The following ATP8A1 variants were observed in gnomAD, a reference collection of about 807,000 sequenced individuals.
ATP8A1 encodes the protein phospholipid-transporting ATPase IA.
A neutral mutation model predicts 177.7 loss-of-function variants in ATP8A1; 90 were observed. The observed-to-expected ratio is 0.51, with a 90% confidence interval of 0.43 to 0.60. The LOEUF (loss-of-function observed/expected upper bound fraction) is 0.60, where lower values mean the gene tolerates loss of function less well. ATP8A1 is among the 20% of genes least tolerant of loss of function. The pLI is 0.00. For missense variants in ATP8A1, 1,072 were observed against 1,392.8 expected (o/e 0.77, Z 3.67); for synonymous variants, 493 against 485.9 (o/e 1.01, Z -0.19).
In ATP8A1 at chr4:42,500,914, C is replaced by T. The variant is rs945656448; in HGVS notation, c.2151+2536G>A. ...ACTCAAAAAGAAAAAATTAGAAAGCCCAGTGGAATTTCTTCGGTGGTGATC... is the reference window on the plus strand; with the variant it reads ...ACTCAAAAAGAAAAAATTAGAAAGCTCAGTGGAATTTCTTCGGTGGTGATC... On this transcript the variant is annotated intron_variant, in intron 24 of 36. Transcript: ENST00000381668. Among the ~76,000 whole-genome samples the T allele has an allele frequency of 4.6e-5, 7 of 151,734 alleles. No individual in the cohort carries two copies. The South Asian group carries it at 1.5e-3, about 32-fold the overall frequency.
At chr4:42,561,590 T>C (rs1469685700) in intron 15 of ATP8A1, 1 of 152,238 alleles carries the variant, frequency 6.6e-6, no homozygotes, top group Non-Finnish European at 1.5e-5. Context: ...CCCACTCCAA[T>C]GAGTGGCTTC....
intron 33 of ATP8A1, among the ~76,000 whole-genome samples, chr4:42,427,673 C>T (rs1714775789): frequency 6.6e-6 from 1 of 152,216 alleles, no homozygotes; most frequent in Admixed American, 6.5e-5. Context: ...ATCAGTATCT[C>T]ATGAAACTGT....
chr4:42,581,075 A>G (rs916438568), intron 10 of ATP8A1, among the ~76,000 whole-genome samples: 1 of 152,210 alleles, frequency 6.6e-6, no homozygotes, highest in Non-Finnish European at 1.5e-5. Flanking sequence ...AAAATTCTTG[A>G]GAGTTCATGC....
chr4:42,589,121 A>G (rs1038728905), intron 7 of ATP8A1, among the ~76,000 whole-genome samples: 1 of 152,142 alleles, frequency 6.6e-6, no homozygotes, highest in Admixed American at 6.6e-5. Flanking sequence ...GTTTTATCAC[A>G]CCACCACAGC....
intron 24 of ATP8A1, among the ~76,000 whole-genome samples, chr4:42,502,098 T>C (rs902630337): frequency 6.6e-6 from 1 of 152,138 alleles, no homozygotes; most frequent in African/African-American, 2.4e-5. Flanking sequence ...AGTGACTCAC[T>C]TCTCAAATAT....
intron 16 of ATP8A1, among the ~76,000 whole-genome samples, chr4:42,555,085 G>A (rs112807922): frequency 8.4e-6 from 1 of 119,572 alleles, no homozygotes; most frequent in East Asian, 2.5e-4. Flanking sequence ...CTTTGTGTGT[G>A]TATCTATCTA....
chr4:42,446,098 A>AAAAAAAAAAAAG lies in ATP8A1; in HGVS notation c.2958+484_2958+485insCTTTTTTTTTTT, dbSNP rs1553874360. 1.3e-3 allele frequency among the ~76,000 whole-genome samples: 186 copies of AAAAAAAAAAAAG among 146,938 alleles called. 2 individuals are homozygous for AAAAAAAAAAAAG. The highest frequency in any genetic ancestry group is 4.3e-3 in the African/African-American group (173 of 39,942). Reference sequence around the variant, plus strand: ...GCCCTCTCAAAAAAAAAAAAAAAAAAAGAGAAGAGATATAGTTTGAAATAA... The same window carrying AAAAAAAAAAAAG: ...GCCCTCTCAAAAAAAAAAAAAAAAAAAAAAAAAAAAAGAGAGAAGAGATATAGTTTGAAATAA... On this transcript the variant is annotated intron_variant, in intron 31 of 36. Coordinates refer to ENST00000381668, the MANE Select transcript of ATP8A1 (RefSeq NM_006095.2).
chr4:42,633,720 G>A (rs1015402866), intron 1 of ATP8A1, among the ~76,000 whole-genome samples: 5 of 152,158 alleles, frequency 3.3e-5, no homozygotes, highest in Non-Finnish European at 7.4e-5. Context: ...TGAGAACAAT[G>A]CCTGGCACGT....
At chr4:42,644,592 A>G (rs1460558705) in intron 1 of ATP8A1, among the ~76,000 whole-genome samples, 1 of 152,150 alleles carries the variant, frequency 6.6e-6, no homozygotes, top group African/African-American at 2.4e-5. Flanking sequence ...GCTGGACACA[A>G]TGCACTTGAT....
chr4:42,514,404 A>G (rs1488986845), intron 22 of ATP8A1, among the ~76,000 whole-genome samples: 1 of 152,218 alleles, frequency 6.6e-6, no homozygotes. Flanking sequence ...AGAAAGGAGG[A>G]GCATGTGATT....
At chr4:42,564,920 T>A (rs1234157116) in intron 15 of ATP8A1, among the ~76,000 whole-genome samples, 1 of 152,136 alleles carries the variant, frequency 6.6e-6, no homozygotes, top group Non-Finnish European at 1.5e-5. Flanking sequence ...GGTAATTGAA[T>A]CATGGGGACA....
chr4:42,527,344 G>C (rs999270380), intron 20 of ATP8A1, among the ~76,000 whole-genome samples: 1 of 152,236 alleles, frequency 6.6e-6, no homozygotes, highest in Non-Finnish European at 1.5e-5. Flanking sequence ...CCGCAACTTG[G>C]AATGGGGACG....
At chr4:42,624,346 CA>C (rs1193658881) in intron 4 of ATP8A1, among the ~76,000 whole-genome samples, 189 bp downstream of exon 4, 1 of 151,892 alleles carries the variant, frequency 6.6e-6, no homozygotes, top group Non-Finnish European at 1.5e-5. Context: ...AACACTGTAA[CA>C]AACATTCAGC....
intron 33 of ATP8A1, among the ~76,000 whole-genome samples, 191 bp from the exon 34 acceptor site, chr4:42,423,896 T>C (rs938186775): frequency 6.6e-6 from 1 of 152,212 alleles, no homozygotes; most frequent in Non-Finnish European, 1.5e-5. Flanking sequence ...TAAAATATAC[T>C]CTGGATTAAA....
chr4:42,468,456 C>T (rs1362767141), intron 25 of ATP8A1, among the ~76,000 whole-genome samples: 1 of 150,512 alleles, frequency 6.6e-6, no homozygotes, highest in Non-Finnish European at 1.5e-5. Context: ...CACACACAGA[C>T]ACACACATAC....
chr4:42,540,669 A>C (rs1728296822), intron 20 of ATP8A1, among the ~76,000 whole-genome samples: 2 of 152,136 alleles, frequency 1.3e-5, no homozygotes, highest in Admixed American at 1.3e-4. Flanking sequence ...ATCAAGTGAA[A>C]TATGCCAGGC....
Position 42,588,321 on chromosome 4 carries a change from T to TG in ATP8A1, c.532dup (p.Gln178ProfsTer7). The TG allele has an allele frequency of 6.2e-7, 1 of 1,613,404 alleles. No homozygotes were observed. On this transcript the variant is annotated frameshift_variant, in exon 8 of 37. Transcript: ENST00000381668. LOFTEE classifies it high-confidence loss of function. ...GGATGTTTCAATGTAGCACATGGCT[T>TG]GGGGCTCACTGTAGTTTGGAGTTGA...
intron 20 of ATP8A1, among the ~76,000 whole-genome samples, chr4:42,527,221 A>T (rs1578108288): frequency 6.6e-6 from 1 of 152,228 alleles, no homozygotes; most frequent in South Asian, 2.1e-4. Context: ...TTGTGGAAAA[A>T]CAGACACAAG....
At chr4:42,488,657 T>C (rs1722443561) in intron 24 of ATP8A1, among the ~76,000 whole-genome samples, 1 of 152,172 alleles carries the variant, frequency 6.6e-6, no homozygotes, top group Non-Finnish European at 1.5e-5. Flanking sequence ...ATGTAAGGCT[T>C]CCTACATTCT....
Sources: allele counts gnomAD v4.1 joint callset (sites outside exome capture counted in the v4.1 genomes callset), GRCh38; gene constraint gnomAD v4.1.1; transcripts MANE v1.5; gene names NCBI Gene and HGNC (gene_info 2026-07-23, HGNC 2026-07-21).